The following ARL14EPL variants were observed in gnomAD, a reference collection of about 807,000 sequenced individuals.
ARL14EPL encodes ARL14 effector protein-like.
A neutral mutation model predicts 15.9 loss-of-function variants in ARL14EPL; 17 were observed. That is an observed-to-expected ratio of 1.07 (90% CI 0.73 to 1.60). ARL14EPL has a LOEUF of 1.60. Ranked by LOEUF, ARL14EPL falls within the 40% of genes most tolerant of loss-of-function variation. The pLI is 0.00. For missense variants in ARL14EPL, 214 were observed against 185.9 expected (o/e 1.15, Z -0.88); for synonymous variants, 78 against 63.8 (o/e 1.22, Z -1.06).
At chr5:116,036,191 T>G (rs1749047380) in intron 1 of ARL14EPL, among the ~76,000 whole-genome samples, 1 of 152,232 alleles carries the variant, frequency 6.6e-6, no homozygotes, top group Admixed American at 6.5e-5. Context: ...AAGCAGAAGC[T>G]AGAATTTGAG....
In ARL14EPL at chr5:116,059,143, C is replaced by T. The variant is rs1281391057; in HGVS notation, c.*196C>T. 1.5e-5 allele frequency: 9 copies of T among 591,290 alleles called. No individual in the cohort carries two copies. Among genetic ancestry groups the T allele is most frequent in the East Asian group, 5.8e-5 (2 of 34,280 alleles). The allele number at this position is 591,290 out of a possible 1,614,324, so 36.6% of individuals were successfully genotyped here. On this transcript the variant is annotated 3_prime_UTR_variant, in exon 4 of 4. Transcript: ENST00000686077. ...TAACTGTGTCAACAATTTTCAAGTC[C>T]CTTAACTTGCAACCAAAGAATGTAA... is the stretch of plus-strand genomic sequence containing the variant.
intron 1 of ARL14EPL, among the ~76,000 whole-genome samples, chr5:116,048,174 T>C (rs1339113205): frequency 6.6e-6 from 1 of 152,222 alleles, no homozygotes; most frequent in African/African-American, 2.4e-5. Context: ...TAGAACACTT[T>C]ATGGGTCTTT....
intron 1 of ARL14EPL, among the ~76,000 whole-genome samples, chr5:116,050,815 T>TCTCTC (rs1561579519): frequency 8.7e-5 from 11 of 125,884 alleles, no homozygotes; most frequent in South Asian, 2.6e-4. Flanking sequence ...TCTCTCTCTC[T>TCTCTC]TACACACACA....
intron 1 of ARL14EPL, among the ~76,000 whole-genome samples, chr5:116,041,369 C>T (rs1370908372): frequency 6.6e-6 from 1 of 152,262 alleles, no homozygotes. Flanking sequence ...CATGCCAGTT[C>T]TACAAGGAAG....
At chr5:116,051,377 G>A (rs1561579732) in intron 1 of ARL14EPL, 80 bp from the exon 2 acceptor site, 3 of 834,684 alleles carry the variant, frequency 3.6e-6, no homozygotes, top group Non-Finnish European at 3.8e-6. Context: ...CGTGTAGGGA[G>A]AGTAGAAAAG....
At chr5:116,041,446 T>G (rs910955426) in intron 1 of ARL14EPL, among the ~76,000 whole-genome samples, 1 of 152,226 alleles carries the variant, frequency 6.6e-6, no homozygotes, top group Non-Finnish European at 1.5e-5. Context: ...CTTTGTTTTT[T>G]AAATTGCTTT....
intron 1 of ARL14EPL, among the ~76,000 whole-genome samples, chr5:116,040,314 A>G (rs1157424037): frequency 6.6e-6 from 1 of 151,816 alleles, no homozygotes; most frequent in Non-Finnish European, 1.5e-5. Flanking sequence ...AATGGCTATA[A>G]TAGAAATTAT....
At chr5:116,033,631 TGAAAA>T (rs1157216653) in intron 1 of ARL14EPL, among the ~76,000 whole-genome samples, 1 of 37,738 alleles carries the variant, frequency 2.6e-5, no homozygotes, top group African/African-American at 3.7e-4. Context: ...AGGCACAGAA[TGAAAA>T]AATGAAAAAT....
rs2112685134 is a variant in ARL14EPL, at chr5:116,058,864, T to C, written c.376T>C (p.Cys126Arg). 2 of 1,536,102 alleles carry C rather than the reference T, an allele frequency of 1.3e-6. No homozygotes were observed. Among genetic ancestry groups the C allele is most frequent in the South Asian group, 1.2e-5 (1 of 84,058 alleles). The change falls in exon 4 of 4, where the codon TGC (cysteine) becomes CGC (arginine). Residue 126 changes from cysteine (C) to arginine (R), a missense_variant. By Grantham distance (180) the Cys-to-Arg change is radical. Coordinates refer to ENST00000686077, the MANE Select transcript of ARL14EPL (RefSeq NM_001195581.2). ...CAACAAGTGTGGGCCCGAGTGCCGC[T>C]GCAACCGACGGTGGGTTTACGATGC... ...NSNKCGPECR[C>R]NRRWVYDAIV...
chr5:116,032,500 A>G lies in ARL14EPL; in HGVS notation c.-15A>G, dbSNP rs1748977789. ...CATTTGACCATTTTACATCATCATA[A>G]GAAGCGTGAGTACAGTACAATAAGA... On this transcript the variant is annotated 5_prime_UTR_variant, in exon 1 of 4. Transcript: ENST00000686077. The G allele has an allele frequency of 6.6e-6, 1 of 152,214 alleles. No individual in the cohort carries two copies. Among genetic ancestry groups the G allele is most frequent in the Non-Finnish European group, 1.5e-5 (1 of 68,034 alleles). The allele number at this position is 152,214 out of a possible 1,614,324, so 9.4% of individuals were successfully genotyped here.
intron 1 of ARL14EPL, among the ~76,000 whole-genome samples, chr5:116,033,800 GT>G (rs1257165983): frequency 6.6e-6 from 1 of 152,114 alleles, no homozygotes; most frequent in Non-Finnish European, 1.5e-5. Context: ...TAAAAAGTTT[GT>G]TTCGTGAAAA....
rs986032306 is a variant in ARL14EPL, at chr5:116,038,957, G to T, written c.-10+6452G>T. 3.9e-5 allele frequency among the ~76,000 whole-genome samples: 6 copies of T among 152,248 alleles called. 1 individual carries two copies. ...TACAAGCCCCAGACAGCCTTTCAGGGAGTCCCTGGGGCCCAGGGGTGGCGG... is the reference window on the plus strand; with the variant it reads ...TACAAGCCCCAGACAGCCTTTCAGGTAGTCCCTGGGGCCCAGGGGTGGCGG... On this transcript the variant is annotated intron_variant, in intron 1 of 3. Coordinates refer to ENST00000686077, the MANE Select transcript of ARL14EPL (RefSeq NM_001195581.2).
intron 1 of ARL14EPL, among the ~76,000 whole-genome samples, chr5:116,036,432 T>A (rs538625086): frequency 6.6e-6 from 1 of 152,226 alleles, no homozygotes; most frequent in South Asian, 2.1e-4. Context: ...ATTTCCAAGA[T>A]AATTATAAGA....
intron 3 of ARL14EPL, among the ~76,000 whole-genome samples, chr5:116,056,009 G>A (rs1370265115): frequency 6.6e-6 from 1 of 152,110 alleles, no homozygotes; most frequent in Admixed American, 6.5e-5. Flanking sequence ...AGTATTCCAT[G>A]GTGTATATGT....
intron 1 of ARL14EPL, among the ~76,000 whole-genome samples, chr5:116,041,636 C>T (rs1258097851): frequency 6.6e-6 from 1 of 152,062 alleles, no homozygotes; most frequent in African/African-American, 2.4e-5. Flanking sequence ...GCAGTTTAGC[C>T]ATGTCAGAGC....
At chr5:116,045,766 GTGTGTGTGT>G (rs146330337) in intron 1 of ARL14EPL, among the ~76,000 whole-genome samples, 1,605 of 105,310 alleles carry the variant, frequency 0.015, 22 homozygotes, top group African/African-American at 0.042. Flanking sequence ...GTGTGTGTGT[GTGTGTGTGT>G]GTGTGTATGT....
intron 2 of ARL14EPL, 134 bp from the exon 3 acceptor site, chr5:116,053,880 C>T (rs893121780): frequency 1.5e-6 from 1 of 660,626 alleles, no homozygotes; most frequent in African/African-American, 1.8e-5. Flanking sequence ...TAGATTAAAT[C>T]GTTTATGTCT....
chr5:116,057,421 C>CAAAAA (rs10660667), intron 3 of ARL14EPL, among the ~76,000 whole-genome samples: 1 of 145,884 alleles, frequency 6.9e-6, no homozygotes, highest in Non-Finnish European at 1.5e-5. Flanking sequence ...AGGATTTTAC[C>CAAAAA]AAAAAAAAAA....
intron 3 of ARL14EPL, among the ~76,000 whole-genome samples, chr5:116,055,106 A>G (rs1052612459): frequency 6.6e-6 from 1 of 152,194 alleles, no homozygotes; most frequent in African/African-American, 2.4e-5. Context: ...GGAAACAACA[A>G]ATAAACATTC....
Sources: gnomAD v4.1 joint callset for allele counts (sites outside exome capture counted in the v4.1 genomes callset) on GRCh38, gnomAD v4.1.1 for gene constraint, MANE v1.5 for transcripts, NCBI Gene and HGNC (gene_info 2026-07-23, HGNC 2026-07-21) for gene names.